Variants in NECAB1 observed in about 807,000 individuals in gnomAD.
NECAB1 encodes the protein N-terminal EF-hand calcium binding protein 1.
A neutral mutation model predicts 57.5 loss-of-function variants in NECAB1; 29 were observed. That is an observed-to-expected ratio of 0.50 (90% CI 0.38 to 0.69). NECAB1 has a LOEUF of 0.69. Ranked by LOEUF, NECAB1 falls within the 30% of genes least tolerant of loss-of-function variation. The pLI is 0.00. For missense variants in NECAB1, 372 were observed against 413.8 expected, an observed-to-expected ratio of 0.90 and a Z score of 0.88; for synonymous variants, 142 against 147.7, an observed-to-expected ratio of 0.96 and a Z score of 0.28.
chr8:90,867,043 A>C (rs1483083441), intron 3 of NECAB1, among the ~76,000 whole-genome samples: 1 of 152,236 alleles, frequency 6.6e-6, no homozygotes, highest in Non-Finnish European at 1.5e-5. Context: ...AAAACGTGGC[A>C]CATCTACTAG....
chr8:90,793,509 G>T (rs184401092), intron 1 of NECAB1, among the ~76,000 whole-genome samples: 87 of 152,278 alleles, frequency 5.7e-4, no homozygotes, highest in Non-Finnish European at 2.9e-4. Flanking sequence ...TATTATTGGT[G>T]CTCATGGCTT....
rs570661830 is a variant in NECAB1 at position 90,956,755 on chromosome 8, C to G, written c.*1243C>G. 1 of 152,212 alleles carries G rather than the reference C, an allele frequency of 6.6e-6. No homozygotes were observed. Among genetic ancestry groups the G allele is most frequent in the South Asian group, 2.1e-4 (1 of 4,818 alleles). The allele number at this position is 152,212 out of a possible 1,614,324, so 9.4% of individuals were successfully genotyped here. ...AACTCAGGAAAAAAGGAAGATTGAA[C>G]TAATAAAATTTTATTTCTTAAATAT... On this transcript the variant is annotated 3_prime_UTR_variant, in exon 13 of 13. Transcript: ENST00000417640.
chr8:90,919,421 C>T (rs1309877290), intron 6 of NECAB1, among the ~76,000 whole-genome samples: 2 of 152,094 alleles, frequency 1.3e-5, no homozygotes, highest in African/African-American at 4.8e-5. Flanking sequence ...TAGGACATCT[C>T]CAAAATAGTG....
intron 2 of NECAB1, among the ~76,000 whole-genome samples, chr8:90,815,132 A>T (rs1207046246): frequency 6.6e-6 from 1 of 152,058 alleles, no homozygotes; most frequent in African/African-American, 2.4e-5. Flanking sequence ...ACCTATTTAC[A>T]TAATTGTTTA....
chr8:90,907,660 T>C (rs1405238747), intron 5 of NECAB1, among the ~76,000 whole-genome samples: 3 of 152,232 alleles, frequency 2.0e-5, no homozygotes, highest in African/African-American at 7.2e-5. Context: ...GTTATTTCCT[T>C]GTGGTGTATA....
intron 3 of NECAB1, among the ~76,000 whole-genome samples, chr8:90,856,494 T>C (rs971488641): frequency 6.6e-6 from 1 of 152,146 alleles, no homozygotes; most frequent in Non-Finnish European, 1.5e-5. Flanking sequence ...CAACCTTCTT[T>C]AAACAATAAC....
At chr8:90,854,777 G>C (rs1453955576) in intron 3 of NECAB1, among the ~76,000 whole-genome samples, 7 of 152,202 alleles carry the variant, frequency 4.6e-5, no homozygotes, top group Admixed American at 4.6e-4. Context: ...GTAATGGAGA[G>C]CTTTCTAAGT....
intron 1 of NECAB1, among the ~76,000 whole-genome samples, chr8:90,793,148 A>G (rs918925050): frequency 1.3e-5 from 2 of 152,214 alleles, no homozygotes; most frequent in African/African-American, 4.8e-5. Flanking sequence ...ATCAATTAGT[A>G]TCATAATGGT....
At chr8:90,948,513 T>C (rs974074724) in intron 10 of NECAB1, among the ~76,000 whole-genome samples, 1 of 152,232 alleles carries the variant, frequency 6.6e-6, no homozygotes, top group Admixed American at 6.5e-5. Context: ...TCAACTATTT[T>C]ACTGCTAAGT....
At chr8:90,903,078 G>A (rs1407608453) in intron 5 of NECAB1, among the ~76,000 whole-genome samples, 1 of 151,806 alleles carries the variant, frequency 6.6e-6, no homozygotes, top group Non-Finnish European at 1.5e-5. Context: ...GTATTTTTAT[G>A]TGCAAATAAC....
chr8:90,946,027 A>G (rs1267776393), intron 10 of NECAB1, among the ~76,000 whole-genome samples: 1 of 152,234 alleles, frequency 6.6e-6, no homozygotes, highest in East Asian at 1.9e-4. Flanking sequence ...TAAGCCTTTA[A>G]CAACTGCTGA....
intron 3 of NECAB1, among the ~76,000 whole-genome samples, chr8:90,855,842 T>G (rs185662749): frequency 2.2e-3 from 342 of 152,312 alleles, no homozygotes; most frequent in South Asian, 3.9e-3. Flanking sequence ...TTCCAGGTTT[T>G]CAGCAGGACT....
At chr8:90,925,488 G>C in intron 6 of NECAB1, 47 bp from the exon 7 acceptor site, 1 of 1,595,538 alleles carries the variant, frequency 6.3e-7, no homozygotes, top group Non-Finnish European at 8.5e-7. Flanking sequence ...TGAAGGAAGA[G>C]ACTGAAGCAC....
chr8:90,936,660 C>T (rs117352715), intron 9 of NECAB1, among the ~76,000 whole-genome samples: 1 of 152,250 alleles, frequency 6.6e-6, no homozygotes, highest in Non-Finnish European at 1.5e-5. Context: ...AGATTCCCTA[C>T]CATAAGAGCA....
chr8:90,927,610 TACACACACACACACAC>T (rs71560287), intron 7 of NECAB1, among the ~76,000 whole-genome samples: 4 of 143,878 alleles, frequency 2.8e-5, no homozygotes, highest in Non-Finnish European at 3.1e-5. Context: ...TGGTGCTAGA[TACACACACACACACAC>T]ACACACACAC....
At position 90,957,789 on chromosome 8, in the gene NECAB1, C is replaced by A. The variant is rs1160549289; in HGVS notation, c.*2277C>A. The A allele has an allele frequency of 1.3e-5, 2 of 148,618 alleles. No homozygotes were observed. Among genetic ancestry groups the A allele is most frequent in the African/African-American group, 4.9e-5 (2 of 40,684 alleles). The allele number at this position is 148,618 out of a possible 1,614,324, so 9.2% of individuals were successfully genotyped here. ...GTTTATAGTTAACGAAGATTTTTTTCTATTTAAAACCCCATTTTCCTAAAG... is the reference window on the plus strand; with the variant it reads ...GTTTATAGTTAACGAAGATTTTTTTATATTTAAAACCCCATTTTCCTAAAG... On this transcript the variant is annotated 3_prime_UTR_variant, in exon 13 of 13. Transcript: ENST00000417640.
intron 3 of NECAB1, among the ~76,000 whole-genome samples, chr8:90,826,740 T>C (rs1300734589): frequency 6.6e-6 from 1 of 151,722 alleles, no homozygotes; most frequent in Non-Finnish European, 1.5e-5. Flanking sequence ...TTCATACTAA[T>C]GAAAAATAAA....
At position 90,799,201 on chromosome 8, in the gene NECAB1, A is replaced by G. The variant is rs573049609; in HGVS notation, c.100-2490A>G. Among the ~76,000 whole-genome samples the G allele has an allele frequency of 6.6e-5, 10 of 152,170 alleles. No homozygotes were observed. The South Asian group carries it at 1.7e-3, about 25-fold the overall frequency. The stretch of plus-strand genomic sequence containing the variant: ...TTTACAGATTCTGTATATTAGTAAT[A>G]TGTTGAATACATAGTTGGTGAATAT... On this transcript the variant is annotated intron_variant, in intron 1 of 12. Coordinates refer to ENST00000417640, the MANE Select transcript of NECAB1 (RefSeq NM_022351.5).
Position 90,795,838 on chromosome 8 carries a change from T to C in NECAB1, c.99+3853T>C, listed in dbSNP as rs762557862. ...AAGGCAAATGTCACTCTTGTAGTTA[T>C]AGGAAACAGCAGAAATTAGGAAAAA... On this transcript the variant is annotated intron_variant, in intron 1 of 12. Transcript: ENST00000417640. 1.2e-4 allele frequency among the ~76,000 whole-genome samples: 19 copies of C among 152,136 alleles called. 1 individual carries two copies. The highest frequency in any genetic ancestry group is 2.1e-4 in the South Asian group (1 of 4,812).
Sources: allele counts gnomAD v4.1 joint callset (sites outside exome capture counted in the v4.1 genomes callset), GRCh38; gene constraint gnomAD v4.1.1; transcripts MANE v1.5; gene names NCBI Gene and HGNC (gene_info 2026-07-23, HGNC 2026-07-21).